The following CUX1 variants were observed in gnomAD, a reference collection of about 807,000 sequenced individuals.
CUX1 encodes the protein protein CASP.
CUX1 carries 31 observed loss-of-function variants against 158.8 expected under a neutral mutation model. The ratio of observed to expected loss-of-function variants is 0.20; its 90% CI spans 0.15 to 0.26. The LOEUF (loss-of-function observed/expected upper bound fraction) is 0.26, where lower values mean the gene tolerates loss of function less well. CUX1 is among the 10% of genes least tolerant of loss of function. The pLI is 1.00. For synonymous variants in CUX1, 879 were observed against 862.1 expected (o/e 1.02, Z -0.34); for missense variants, 1,589 against 2,014.6 (o/e 0.79, Z 4.04).
At chr7:102,120,523 G>A (rs1286675513) in intron 8 of CUX1, among the ~76,000 whole-genome samples, 3 of 152,072 alleles carry the variant, frequency 2.0e-5, no homozygotes, top group African/African-American at 2.4e-5. Flanking sequence ...TTCAAAGAAC[G>A]ACATTGTGTA....
chr7:101,935,957 T>A (rs777104008), intron 2 of CUX1, among the ~76,000 whole-genome samples: 3 of 152,176 alleles, frequency 2.0e-5, no homozygotes, highest in Non-Finnish European at 4.4e-5. Flanking sequence ...TAGAGGACTC[T>A]GCGAGAAACA....
chr7:102,164,576 C>G (rs568219729), intron 9 of CUX1, among the ~76,000 whole-genome samples: 2 of 152,294 alleles, frequency 1.3e-5, no homozygotes, highest in South Asian at 4.1e-4. Flanking sequence ...CCACAGCTGA[C>G]CCTCACCACG....
intron 11 of CUX1, among the ~76,000 whole-genome samples, chr7:102,180,767 G>A (rs1330985577): frequency 6.6e-6 from 1 of 151,370 alleles, no homozygotes; most frequent in Non-Finnish European, 1.5e-5. Flanking sequence ...CTGCCTCTTT[G>A]GGGTGAATTT....
intron 1 of CUX1, among the ~76,000 whole-genome samples, chr7:101,885,116 A>G (rs1370936182): frequency 2.0e-5 from 3 of 152,262 alleles, no homozygotes; most frequent in Non-Finnish European, 4.4e-5. Flanking sequence ...CATGTGGCCA[A>G]CATTTTGAGG....
chr7:102,111,820 G>A, intron 7 of CUX1, 46 bp downstream of exon 7: 1 of 1,570,254 alleles, frequency 6.4e-7, no homozygotes, highest in South Asian at 1.1e-5. Context: ...GGAGGACCCA[G>A]GGGGAGAGTT....
At chr7:102,001,375 G>T (rs1585232273) in intron 2 of CUX1, among the ~76,000 whole-genome samples, 1 of 151,656 alleles carries the variant, frequency 6.6e-6, no homozygotes, top group Admixed American at 6.6e-5. Flanking sequence ...ACAGAGTCTT[G>T]CTCTCTTGCC....
chr7:101,817,296 C>T, upstream of CUX1: 1 of 984,968 alleles, frequency 1.0e-6, no homozygotes, highest in Non-Finnish European at 1.2e-6. This position sits in a 1 kb window ranked among gnomAD's most constrained non-coding sequence, Gnocchi z 4.1. Flanking sequence ...CGGGTCCCTT[C>T]CTTGCGTCCC....
intron 9 of CUX1, among the ~76,000 whole-genome samples, chr7:102,165,271 G>T (rs931620313): frequency 9.3e-5 from 14 of 150,246 alleles, no homozygotes; most frequent in African/African-American, 3.4e-4. Flanking sequence ...GAGTCAAATT[G>T]TTCAGACTTT....
At chr7:101,898,351 G>A (rs1399139732) in intron 1 of CUX1, among the ~76,000 whole-genome samples, 2 of 152,184 alleles carry the variant, frequency 1.3e-5, no homozygotes, top group Non-Finnish European at 2.9e-5. Context: ...AGATCTGACA[G>A]GTCAGCAGCT....
chr7:102,257,135 A>G lies in CUX1; in HGVS notation c.*8093A>G. 1 of 985,352 alleles carries G rather than the reference A, an allele frequency of 1.0e-6. No homozygotes were observed. Among genetic ancestry groups the G allele is most frequent in the East Asian group, 1.1e-4 (1 of 8,784 alleles). 61.0% of individuals were successfully genotyped at this position (985,352 alleles called of 1,614,324 possible). On this transcript the variant is annotated 3_prime_UTR_variant, in exon 24 of 24. Transcript: ENST00000292535. ...TTGATCCCATGGGCCCAGCAGAAGGAAACTTACCCCAGGCCAAGGCAAGGG... is the reference window on the plus strand; with the variant it reads ...TTGATCCCATGGGCCCAGCAGAAGGGAACTTACCCCAGGCCAAGGCAAGGG...
At chr7:102,274,319 AG>A in intron 16 of CUX1, 1 of 1,611,196 alleles carries the variant, frequency 6.2e-7, no homozygotes, top group Non-Finnish European at 8.5e-7. Flanking sequence ...CGGTAAGGAG[AG>A]GCCTGACCCA....
At chr7:102,139,878 A>C (rs1834270645) in intron 8 of CUX1, among the ~76,000 whole-genome samples, 1 of 151,800 alleles carries the variant, frequency 6.6e-6, no homozygotes, top group African/African-American at 2.4e-5. Context: ...GGCTGGTCTC[A>C]AGCTCTTGGC....
At chr7:102,028,262 C>T in intron 3 of CUX1, 117 bp downstream of exon 3, 1 of 1,020,622 alleles carries the variant, frequency 9.8e-7, no homozygotes. Context: ...GCCTTCCCGG[C>T]TGCTCCGACC....
chr7:102,109,389 A>G (rs1357560602), intron 6 of CUX1, among the ~76,000 whole-genome samples: 1 of 152,248 alleles, frequency 6.6e-6, no homozygotes, highest in Non-Finnish European at 1.5e-5. Context: ...ATTTGATTTT[A>G]TCTTGTGTTG....
chr7:102,224,747 C>T lies in CUX1; in HGVS notation c.3131-2620C>T, dbSNP rs1798178550. Among the ~76,000 whole-genome samples the T allele has an allele frequency of 2.6e-5, 4 of 152,188 alleles. No homozygotes were observed. The South Asian group carries it at 8.3e-4, about 32-fold the overall frequency. On this transcript the variant is annotated intron_variant, in intron 20 of 23. Coordinates refer to ENST00000292535, the MANE Select transcript of CUX1 (RefSeq NM_181552.4). The stretch of plus-strand genomic sequence containing the variant: ...AGGCGCACTGGAAGAAAGAACTGTA[C>T]AGCCTCTGAGTTTCGTGGTGGCTCT...
chr7:102,109,833 G>A (rs1204601668), intron 6 of CUX1, among the ~76,000 whole-genome samples: 1 of 151,640 alleles, frequency 6.6e-6, no homozygotes, highest in Non-Finnish European at 1.5e-5. Flanking sequence ...TTTGGCCATT[G>A]TAATTCCTCT....
chr7:101,962,265 C>T (rs149295305), intron 2 of CUX1, among the ~76,000 whole-genome samples: 1,760 of 152,308 alleles, frequency 0.012, 39 homozygotes, highest in African/African-American at 0.04. Context: ...CCTTAATCAC[C>T]GTTTTCTCTC....
intron 2 of CUX1, among the ~76,000 whole-genome samples, chr7:102,009,717 T>C (rs1217052872): frequency 1.3e-5 from 2 of 152,046 alleles, no homozygotes; most frequent in Non-Finnish European, 2.9e-5. Context: ...TCTTCTGTTC[T>C]TCTGCACACC....
At chr7:101,859,243 G>A (rs543284999) in intron 1 of CUX1, among the ~76,000 whole-genome samples, 1 of 152,272 alleles carries the variant, frequency 6.6e-6, no homozygotes, top group Non-Finnish European at 1.5e-5. Flanking sequence ...CCTGAGCTGG[G>A]GGAGAGGCGG....
Sources: gnomAD v4.1 joint callset for allele counts (sites outside exome capture counted in the v4.1 genomes callset) on GRCh38, gnomAD v4.1.1 for gene constraint, Gnocchi (gnomAD v3.1) non-coding constraint, MANE v1.5 for transcripts, NCBI Gene and HGNC (gene_info 2026-07-23, HGNC 2026-07-21) for gene names.